The following RABGAP1L variants were observed in gnomAD, a reference collection of about 807,000 sequenced individuals.
The protein encoded by RABGAP1L is RAB GTPase activating protein 1 like.
Under a neutral mutation model 137.7 loss-of-function variants are expected in RABGAP1L, and 63 were observed. The ratio of observed to expected loss-of-function variants is 0.46; its 90% CI spans 0.37 to 0.56. The LOEUF is 0.56. RABGAP1L is among the 20% of genes least tolerant of loss of function. The pLI is 0.00. For synonymous variants in RABGAP1L, 431 were observed against 433.7 expected (o/e 0.99, Z 0.08); for missense variants, 1,095 against 1,244.0 (o/e 0.88, Z 1.80).
At chr1:174,354,928 C>T (rs1683492724) in intron 11 of RABGAP1L, among the ~76,000 whole-genome samples, 1 of 152,212 alleles carries the variant, frequency 6.6e-6, no homozygotes, top group South Asian at 2.1e-4. Flanking sequence ...CTCCTTTCCT[C>T]ATTTCTTCTT....
intron 1 of RABGAP1L, among the ~76,000 whole-genome samples, chr1:174,216,247 C>A (rs944914916): frequency 1.3e-5 from 2 of 152,060 alleles, no homozygotes; most frequent in Non-Finnish European, 2.9e-5. Context: ...GCTAGCACAG[C>A]AGGGTGAATG....
chr1:174,749,361 C>T lies in RABGAP1L; in HGVS notation c.2170-2952C>T, dbSNP rs371605926. On this transcript the variant is annotated intron_variant, in intron 17 of 25. Coordinates refer to ENST00000681986, the MANE Select transcript of RABGAP1L (RefSeq NM_001366446.1). ...TTGTTTGTTTTTTGAGACAGGGTCT[C>T]GCTGTGTCATCTAGGCTGGAGTGCA... Among the ~76,000 whole-genome samples the T allele has an allele frequency of 3.6e-4, 54 of 151,078 alleles. 1 individual carries two copies. In the South Asian group the frequency reaches 3.8e-3, roughly 11 times the overall value.
intron 13 of RABGAP1L, among the ~76,000 whole-genome samples, chr1:174,633,739 A>C (rs2148325702): frequency 7.1e-6 from 1 of 140,618 alleles, no homozygotes. Context: ...GCATACCTAC[A>C]ACTATCTGAT....
At chr1:174,223,672 A>G (rs1324425507) in intron 3 of RABGAP1L, among the ~76,000 whole-genome samples, 1 of 152,164 alleles carries the variant, frequency 6.6e-6, no homozygotes, top group Non-Finnish European at 1.5e-5. Flanking sequence ...GAAAAGATGT[A>G]ACTTATCTCC....
intron 15 of RABGAP1L, among the ~76,000 whole-genome samples, chr1:174,690,622 G>C (rs573612788): frequency 1.3e-5 from 2 of 152,114 alleles, no homozygotes; most frequent in Admixed American, 1.3e-4. Flanking sequence ...AATTTGAATG[G>C]ATTACACATA....
At chr1:174,696,989 A>G (rs557682079) in intron 15 of RABGAP1L, among the ~76,000 whole-genome samples, 3 of 152,238 alleles carry the variant, frequency 2.0e-5, no homozygotes, top group Admixed American at 2.0e-4. Context: ...GTTTACCTTT[A>G]CTTCCAACAC....
At chr1:174,389,431 C>T (rs1265519872) in intron 12 of RABGAP1L, among the ~76,000 whole-genome samples, 1 of 152,038 alleles carries the variant, frequency 6.6e-6, no homozygotes, top group Non-Finnish European at 1.5e-5. Context: ...TTTTATCCCC[C>T]TCATCTCTTG....
At position 174,434,663 on chromosome 1, in the gene RABGAP1L, T is replaced by G. The variant is rs553237956; in HGVS notation, c.1710+40518T>G. On this transcript the variant is annotated intron_variant, in intron 13 of 25. Coordinates refer to ENST00000681986, the MANE Select transcript of RABGAP1L (RefSeq NM_001366446.1). ...AGTCTTTTAGTTTTAGCCATTCTAG[T>G]GGGTATATATTGGTATCTCATTGTG... Among the ~76,000 whole-genome samples, 194 of 152,316 alleles carry G rather than the reference T, an allele frequency of 1.3e-3. 2 individuals carry two copies. The highest frequency in any genetic ancestry group is 4.5e-3 in the African/African-American group (187 of 41,572).
At chr1:174,890,283 C>T (rs1323769686) in intron 19 of RABGAP1L, among the ~76,000 whole-genome samples, 1 of 152,078 alleles carries the variant, frequency 6.6e-6, no homozygotes, top group Non-Finnish European at 1.5e-5. Context: ...CCTATATGCT[C>T]CTGTCACACC....
At chr1:174,268,195 C>G (rs1003385061) in intron 7 of RABGAP1L, among the ~76,000 whole-genome samples, 1 of 150,424 alleles carries the variant, frequency 6.6e-6, no homozygotes, top group Admixed American at 6.6e-5. Context: ...TATGCTGTCA[C>G]TTTTTCATTT....
rs901502471 is a variant in RABGAP1L, at chr1:174,776,096, G to A, written c.2211+23742G>A. On this transcript the variant is annotated intron_variant, in intron 18 of 25. Transcript: ENST00000681986. The stretch of plus-strand genomic sequence containing the variant: ...CTAAAGTTGGTGTTAGAGGCCAGGC[G>A]TGGTGGCTCACACCTGTAATCCCAG... Among the ~76,000 whole-genome samples the A allele has an allele frequency of 4.6e-5, 7 of 152,194 alleles. No homozygotes were observed. In the East Asian group the frequency reaches 5.8e-4, roughly 13 times the overall value.
At chr1:174,658,676 G>T (rs1021209937) in intron 14 of RABGAP1L, among the ~76,000 whole-genome samples, 7 of 151,986 alleles carry the variant, frequency 4.6e-5, no homozygotes, top group African/African-American at 1.5e-4. Flanking sequence ...ATCCCCACCT[G>T]GGTGGGCTTG....
intron 18 of RABGAP1L, among the ~76,000 whole-genome samples, chr1:174,752,704 A>G (rs1165940266): frequency 1.3e-5 from 2 of 152,198 alleles, no homozygotes; most frequent in Admixed American, 6.5e-5. Context: ...ACTTTTTACT[A>G]TAACATCTCT....
chr1:174,181,310 A>C (rs1666334238), intron 1 of RABGAP1L, among the ~76,000 whole-genome samples: 1 of 151,276 alleles, frequency 6.6e-6, no homozygotes, highest in Non-Finnish European at 1.5e-5. Context: ...CTAGCTACTA[A>C]TCATTTTATA....
At chr1:174,176,741 A>AAAAAAAAAAAAAAAAAAATAAAATAAAAT (rs755688394) in intron 1 of RABGAP1L, among the ~76,000 whole-genome samples, 2 of 111,778 alleles carry the variant, frequency 1.8e-5, no homozygotes, top group East Asian at 2.1e-4. Context: ...AAAAAAAAAA[A>AAAAAAAAAAAAAAAAAAATAAAATAAAAT]AAAAAGGTCA....
chr1:174,897,279 A>G (rs1657362369), intron 19 of RABGAP1L: 2 of 152,308 alleles, frequency 1.3e-5, no homozygotes, highest in African/African-American at 2.4e-5. Context: ...ATTTTTGCAT[A>G]TTGATTTTGT....
chr1:174,693,654 A>G (rs1213963278), intron 15 of RABGAP1L, among the ~76,000 whole-genome samples: 1 of 152,166 alleles, frequency 6.6e-6, no homozygotes, highest in Non-Finnish European at 1.5e-5. Context: ...TTATTTAATC[A>G]TTCCTTAAAA....
At chr1:174,430,774 TAA>T (rs1652537960) in intron 13 of RABGAP1L, among the ~76,000 whole-genome samples, 1 of 152,238 alleles carries the variant, frequency 6.6e-6, no homozygotes, top group Non-Finnish European at 1.5e-5. Context: ...ATGAAAGATA[TAA>T]GTGATATAAA....
intron 13 of RABGAP1L, among the ~76,000 whole-genome samples, chr1:174,510,934 C>T (rs1396867209): frequency 3.9e-5 from 6 of 152,114 alleles, no homozygotes; most frequent in Admixed American, 3.9e-4. Context: ...TATTTTGTAT[C>T]CACATTCATT....
Sources: gnomAD v4.1 joint callset for allele counts (sites outside exome capture counted in the v4.1 genomes callset) on GRCh38, gnomAD v4.1.1 for gene constraint, MANE v1.5 for transcripts, NCBI Gene and HGNC (gene_info 2026-07-23, HGNC 2026-07-21) for gene names.